SLC8A1: variants seen among roughly 807,000 people sequenced by gnomAD.
The protein encoded by SLC8A1 is sodium/calcium exchanger 1.
SLC8A1 carries 18 observed loss-of-function variants against 68.3 expected under a neutral mutation model. The ratio of observed to expected loss-of-function variants is 0.26; its 90% CI spans 0.18 to 0.39. SLC8A1 has a LOEUF of 0.39. Among genes scored for constraint, SLC8A1 ranks in the 10% least tolerant of loss-of-function variants. The pLI is 1.00. For missense variants in SLC8A1, 985 were observed against 1,156.7 expected (o/e 0.85, Z 2.15); for synonymous variants, 475 against 415.5 (o/e 1.14, Z -1.74).
intron 2 of SLC8A1, among the ~76,000 whole-genome samples, chr2:40,222,770 C>T (rs2058500628): frequency 6.6e-6 from 1 of 152,146 alleles, no homozygotes. Context: ...TGAAAAAAAG[C>T]TCATCATCAC....
chr2:40,234,927 G>C (rs1312428306), intron 2 of SLC8A1, among the ~76,000 whole-genome samples: 2 of 152,110 alleles, frequency 1.3e-5, no homozygotes, highest in African/African-American at 2.4e-5. Context: ...TATTGAACCA[G>C]CCTTGCATCC....
At chr2:40,230,916 G>T (rs2059568036) in intron 2 of SLC8A1, among the ~76,000 whole-genome samples, 1 of 152,204 alleles carries the variant, frequency 6.6e-6, no homozygotes, top group South Asian at 2.1e-4. Flanking sequence ...AGCAGAAATA[G>T]TGGGTGTGGT....
intron 2 of SLC8A1, among the ~76,000 whole-genome samples, chr2:40,359,367 A>G (rs966899308): frequency 2.0e-5 from 3 of 152,136 alleles, no homozygotes; most frequent in Non-Finnish European, 4.4e-5. Flanking sequence ...AGGTACATAC[A>G]TGACTCATAT....
chr2:40,377,197 C>A (rs1299697928), intron 2 of SLC8A1, among the ~76,000 whole-genome samples: 2 of 152,018 alleles, frequency 1.3e-5, no homozygotes, highest in Non-Finnish European at 2.9e-5. Context: ...CAGGGCTTCA[C>A]TGAAAGAAGA....
At chr2:40,417,541 C>A (rs972545482) in intron 2 of SLC8A1, among the ~76,000 whole-genome samples, 1 of 152,076 alleles carries the variant, frequency 6.6e-6, no homozygotes, top group Non-Finnish European at 1.5e-5. Context: ...CAAGGTCTCG[C>A]TCTGTCACCC....
chr2:40,477,174 A>G (rs2149908638), intron 1 of SLC8A1, among the ~76,000 whole-genome samples: 1 of 152,306 alleles, frequency 6.6e-6, no homozygotes, highest in African/African-American at 2.4e-5. Flanking sequence ...TTAAATAATA[A>G]ATTTCCTGGG....
At chr2:40,301,788 T>C (rs937873297) in intron 2 of SLC8A1, among the ~76,000 whole-genome samples, 7 of 152,176 alleles carry the variant, frequency 4.6e-5, no homozygotes, top group African/African-American at 1.4e-4. Context: ...AGGTGGTACT[T>C]GGTTTCATGA....
intron 2 of SLC8A1, among the ~76,000 whole-genome samples, chr2:40,304,501 C>A (rs1404989806): frequency 1.3e-5 from 2 of 152,148 alleles, no homozygotes; most frequent in Non-Finnish European, 2.9e-5. Flanking sequence ...AATGAACAGC[C>A]TGTAGCCAGT....
At chr2:40,456,946 C>A (rs909956305), upstream of SLC8A1, among the ~76,000 whole-genome samples, 16 of 152,072 alleles carry the variant, frequency 1.1e-4, no homozygotes, top group African/African-American at 3.6e-4. Flanking sequence ...TGCTTGTGAA[C>A]TTTCTGATTT....
At chr2:40,390,405 C>T (rs1055951170) in intron 2 of SLC8A1, among the ~76,000 whole-genome samples, 1 of 152,082 alleles carries the variant, frequency 6.6e-6, no homozygotes, top group Admixed American at 6.6e-5. Flanking sequence ...CTGCTTCCTG[C>T]TAATTATTCT....
At chr2:40,299,306 G>A (rs954216291) in intron 2 of SLC8A1, among the ~76,000 whole-genome samples, 42 of 152,148 alleles carry the variant, frequency 2.8e-4, no homozygotes, top group African/African-American at 9.9e-4. Flanking sequence ...TTGCCTAAGT[G>A]ATCTGCCTGC....
At chr2:40,450,202 C>T (rs1399500620) in intron 1 of SLC8A1, among the ~76,000 whole-genome samples, 1 of 152,180 alleles carries the variant, frequency 6.6e-6, no homozygotes, top group East Asian at 1.9e-4. Flanking sequence ...ATCCAAGTAA[C>T]ACAGGATTTG....
intron 2 of SLC8A1, among the ~76,000 whole-genome samples, chr2:40,232,877 C>T (rs1278112142): frequency 6.8e-6 from 1 of 146,560 alleles, no homozygotes; most frequent in Non-Finnish European, 1.5e-5. Context: ...CGATAGTTTA[C>T]TGAGAATGAT....
chr2:40,281,009 G>A (rs772972656), intron 2 of SLC8A1, among the ~76,000 whole-genome samples: 1 of 152,200 alleles, frequency 6.6e-6, no homozygotes, highest in African/African-American at 2.4e-5. Flanking sequence ...CCTACTAGAA[G>A]CAGGCTGATA....
intron 2 of SLC8A1, among the ~76,000 whole-genome samples, chr2:40,244,133 C>T (rs1480532108): frequency 1.3e-5 from 2 of 152,124 alleles, no homozygotes; most frequent in Admixed American, 6.5e-5. Context: ...CAGATCACCT[C>T]CTCTAAGCTT....
rs137942949 is a variant in SLC8A1 at position 40,443,111 on chromosome 2, G to A, written c.-25+8793C>T. Among the ~76,000 whole-genome samples, 502 of 152,238 alleles carry A rather than the reference G, an allele frequency of 3.3e-3. 4 individuals are homozygous for A. The highest frequency in any genetic ancestry group is 0.011 in the African/African-American group (464 of 41,560). On this transcript the variant is annotated intron_variant, in intron 1 of 7. Transcript: ENST00000406785. The stretch of plus-strand genomic sequence containing the variant: ...ACACACTGGGGCTTTCTGAGGGGTT[G>A]GGGGCAAGGGGAGGGAGAACATTAG...
At chr2:40,506,715 C>T (rs1452802463) in intron 1 of SLC8A1, among the ~76,000 whole-genome samples, 2 of 149,262 alleles carry the variant, frequency 1.3e-5, no homozygotes, top group East Asian at 1.9e-4. Flanking sequence ...TTCCTTTCCC[C>T]TGCCTGTAGT....
intron 2 of SLC8A1, among the ~76,000 whole-genome samples, 161 bp downstream of exon 2, chr2:40,428,312 C>T (rs960456958): frequency 6.6e-6 from 1 of 151,894 alleles, no homozygotes; most frequent in Non-Finnish European, 1.5e-5. Context: ...AACTGGCACC[C>T]AAGCAAAGAC....
intron 2 of SLC8A1, among the ~76,000 whole-genome samples, chr2:40,254,159 C>CATTATGTCAACAAAAAATTAATATA (rs2063478430): frequency 6.6e-6 from 1 of 151,416 alleles, no homozygotes; most frequent in South Asian, 2.1e-4. Context: ...TATTTATAAT[C>CATTATGTCAACAAAAAATTAATATA]ATTATGTCAA....
Sources: allele counts gnomAD v4.1 joint callset (sites outside exome capture counted in the v4.1 genomes callset), GRCh38; gene constraint gnomAD v4.1.1; transcripts MANE v1.5; gene names NCBI Gene and HGNC (gene_info 2026-07-23, HGNC 2026-07-21).